The following SKAP1 variants were observed in gnomAD, a reference collection of about 807,000 sequenced individuals.
The protein encoded by SKAP1 is src kinase associated phosphoprotein 1.
In SKAP1, 44 loss-of-function variants were observed where a neutral mutation model predicts 58.5. The observed-to-expected ratio is 0.75, with a 90% CI of 0.59 to 0.97. SKAP1 has a LOEUF of 0.97. Ranked by LOEUF, SKAP1 falls within the 50% of genes least tolerant of loss-of-function variation. SKAP1 has a pLI of 0.00. For synonymous variants in SKAP1, 127 were observed against 149.7 expected, an observed-to-expected ratio of 0.85 and a Z score of 1.11; for missense variants, 390 against 435.2, an observed-to-expected ratio of 0.90 and a Z score of 0.92.
At chr17:48,291,517 C>T (rs1311660090) in intron 4 of SKAP1, among the ~76,000 whole-genome samples, 1 of 152,178 alleles carries the variant, frequency 6.6e-6, no homozygotes, top group Non-Finnish European at 1.5e-5. Flanking sequence ...AACAGTAACG[C>T]AGATTCCAAT....
intron 2 of SKAP1, among the ~76,000 whole-genome samples, chr17:48,369,766 C>T (rs2067059663): frequency 1.3e-5 from 2 of 152,174 alleles, no homozygotes; most frequent in African/African-American, 4.8e-5. Flanking sequence ...AAATAACTTA[C>T]CCATCATAAG....
intron 4 of SKAP1, among the ~76,000 whole-genome samples, chr17:48,332,487 T>A (rs1055362700): frequency 1.3e-4 from 20 of 152,080 alleles, no homozygotes; most frequent in African/African-American, 4.8e-4. Context: ...CATATTTCAT[T>A]TTAAAAGGAT....
chr17:48,134,476 C>T (rs1279948663), intron 12 of SKAP1, among the ~76,000 whole-genome samples: 1 of 151,892 alleles, frequency 6.6e-6, no homozygotes, highest in African/African-American at 2.4e-5. Context: ...CGCCACCACG[C>T]CTGGCTAATT....
chr17:48,184,663 T>C (rs892623163), intron 7 of SKAP1, 60 bp downstream of exon 7: 1 of 1,606,188 alleles, frequency 6.2e-7, no homozygotes, highest in Non-Finnish European at 8.5e-7. Context: ...ATGGCTCACA[T>C]GCAATACAGA....
chr17:48,199,490 G>A (rs2064696794), intron 4 of SKAP1, among the ~76,000 whole-genome samples: 1 of 152,160 alleles, frequency 6.6e-6, no homozygotes, highest in African/African-American at 2.4e-5. Context: ...CTGCCGAGTT[G>A]GGAGTACTCC....
intron 4 of SKAP1, among the ~76,000 whole-genome samples, chr17:48,198,299 CA>C (rs1567816913): frequency 6.6e-6 from 1 of 151,392 alleles, no homozygotes; most frequent in Non-Finnish European, 1.5e-5. Context: ...ACTAAAAATA[CA>C]AAAAATTAGC....
chr17:48,133,747 G>C lies in SKAP1; in HGVS notation c.*77C>G, dbSNP rs1251974628. 1 of 152,606 alleles carries C rather than the reference G, an allele frequency of 6.6e-6. No homozygotes were observed. Among genetic ancestry groups the C allele is most frequent in the Admixed American group, 6.5e-5 (1 of 15,274 alleles). 9.5% of individuals were successfully genotyped at this position (152,606 alleles called of 1,614,324 possible). ...AGTCCAAGGCGTTGGTGGGGTGGCAGAAGTAGGGAGTGGGAACTTTTGATG... is the reference window on the plus strand; with the variant it reads ...AGTCCAAGGCGTTGGTGGGGTGGCACAAGTAGGGAGTGGGAACTTTTGATG... On this transcript the variant is annotated 3_prime_UTR_variant, in exon 13 of 13. Coordinates refer to ENST00000336915, the MANE Select transcript of SKAP1 (RefSeq NM_003726.4).
chr17:48,338,099 TTTTC>T (rs543418536), intron 4 of SKAP1, among the ~76,000 whole-genome samples: 4,171 of 151,420 alleles, frequency 0.028, 102 homozygotes, highest in Non-Finnish European at 0.041. Flanking sequence ...CTTTCTTTCT[TTTTC>T]TTTCTTTCTT....
chr17:48,191,522 C>T (rs968365214), intron 4 of SKAP1, among the ~76,000 whole-genome samples: 2 of 152,128 alleles, frequency 1.3e-5, no homozygotes, highest in Non-Finnish European at 2.9e-5. Flanking sequence ...TTGAACATTT[C>T]CTACAATAAC....
intron 4 of SKAP1, among the ~76,000 whole-genome samples, chr17:48,204,958 C>CTTTCTTTTCTTTTCTTTTCT (rs1555602803): frequency 1.7e-5 from 2 of 120,718 alleles, no homozygotes; most frequent in African/African-American, 6.4e-5. Flanking sequence ...CCTCCTTCCT[C>CTTTCTTTTCTTTTCTTTTCT]TTTCTTTTCT....
chr17:48,168,428 G>A (rs543672632), intron 10 of SKAP1, among the ~76,000 whole-genome samples: 4 of 152,122 alleles, frequency 2.6e-5, no homozygotes, highest in South Asian at 4.2e-4. Context: ...AGGCCAAGAC[G>A]GTCGGATCCC....
intron 2 of SKAP1, among the ~76,000 whole-genome samples, chr17:48,374,372 C>A (rs1276364945): frequency 6.6e-6 from 1 of 152,082 alleles, no homozygotes; most frequent in Non-Finnish European, 1.5e-5. Flanking sequence ...ACAGCAATGC[C>A]TTCTGAATGC....
At chr17:48,443,264 A>C in the SKAP1 span, among the ~76,000 whole-genome samples, 1 of 152,156 alleles carries the variant, frequency 6.6e-6, no homozygotes, top group African/African-American at 2.4e-5. Flanking sequence ...GTAATTATTA[A>C]AATTATTAAA....
chr17:48,323,233 G>T (rs976624398), intron 4 of SKAP1, among the ~76,000 whole-genome samples: 2 of 149,482 alleles, frequency 1.3e-5, no homozygotes, highest in Non-Finnish European at 3.0e-5. Context: ...AAGAGAAAAA[G>T]AAGCCAAGTT....
At chr17:48,138,530 C>A (rs533118126) in intron 11 of SKAP1, among the ~76,000 whole-genome samples, 2 of 152,060 alleles carry the variant, frequency 1.3e-5, no homozygotes, top group Middle Eastern at 6.8e-3. Flanking sequence ...CCACCACGCC[C>A]GGCTAATTTT....
At chr17:48,400,976 AT>A (rs143892933) in intron 1 of SKAP1, among the ~76,000 whole-genome samples, 12,322 of 152,142 alleles carry the variant, frequency 0.081, 638 homozygotes, top group East Asian at 0.2. Flanking sequence ...TAACTTGGAA[AT>A]GTAAGGAATC....
intron 4 of SKAP1, among the ~76,000 whole-genome samples, chr17:48,251,593 G>T (rs760156189): frequency 5.3e-5 from 8 of 152,194 alleles, no homozygotes; most frequent in Admixed American, 1.3e-4. Context: ...TGGGGCAAAA[G>T]ATATAGATAT....
intron 1 of SKAP1, among the ~76,000 whole-genome samples, chr17:48,419,734 T>C (rs374809416): frequency 3.9e-4 from 60 of 152,230 alleles, no homozygotes; most frequent in African/African-American, 1.4e-3. Flanking sequence ...ACTACAATAT[T>C]GGTTTAACTA....
chr17:48,419,784 T>C (rs1004699870), intron 1 of SKAP1, among the ~76,000 whole-genome samples: 7 of 152,184 alleles, frequency 4.6e-5, no homozygotes, highest in African/African-American at 1.4e-4. Flanking sequence ...TAGTAAAGCG[T>C]CTATTATTTG....
Sources: allele counts gnomAD v4.1 joint callset (sites outside exome capture counted in the v4.1 genomes callset), GRCh38; gene constraint gnomAD v4.1.1; transcripts MANE v1.5; gene names NCBI Gene and HGNC (gene_info 2026-07-23, HGNC 2026-07-21).